The following IL1RAPL1 variants were observed in gnomAD, a reference collection of about 807,000 sequenced individuals.
The protein encoded by IL1RAPL1 is interleukin-1 receptor accessory protein-like 1.
A neutral mutation model predicts 48.4 loss-of-function variants in IL1RAPL1; 3 were observed. The ratio of observed to expected loss-of-function variants is 0.06; its 90% CI spans 0.03 to 0.16. The LOEUF (loss-of-function observed/expected upper bound fraction) is 0.16, where lower values mean the gene tolerates loss of function less well. IL1RAPL1 is among the 10% of genes least tolerant of loss of function. IL1RAPL1 has a pLI of 1.00. For missense variants in IL1RAPL1, 349 were observed against 530.6 expected (o/e 0.66, Z 3.36); for synonymous variants, 185 against 187.7 (o/e 0.99, Z 0.12).
chrX:29,701,032 G>A (rs1268734870), intron 6 of IL1RAPL1, among the ~76,000 whole-genome samples: 1 of 111,936 alleles, frequency 8.9e-6, no homozygotes, highest in Non-Finnish European at 1.9e-5. Flanking sequence ...AGGACCATCA[G>A]AGAAAGGAGA....
intron 1 of IL1RAPL1, among the ~76,000 whole-genome samples, chrX:28,692,856 T>TA (rs1935194321): frequency 8.9e-6 from 1 of 111,811 alleles, no homozygotes; most frequent in African/African-American, 3.3e-5. Flanking sequence ...ATTCTTTTTT[T>TA]ACCTGTATAC....
chrX:29,657,086 C>T (rs758314381), intron 5 of IL1RAPL1, among the ~76,000 whole-genome samples: 1 of 111,747 alleles, frequency 8.9e-6, no homozygotes, highest in East Asian at 2.8e-4. Context: ...ACAGCCCAGG[C>T]TGCAGTTTCC....
chrX:28,989,294 A>T (rs35640388), intron 2 of IL1RAPL1, among the ~76,000 whole-genome samples: 29 of 112,461 alleles, frequency 2.6e-4, no homozygotes, highest in Non-Finnish European at 1.7e-4. Flanking sequence ...GTGGAAGCCA[A>T]TGCTTCTCAC....
intron 2 of IL1RAPL1, among the ~76,000 whole-genome samples, chrX:29,280,847 G>T (rs768553054): frequency 8.9e-6 from 1 of 111,989 alleles, no homozygotes; most frequent in South Asian, 3.7e-4. Flanking sequence ...CCTCTCTGAG[G>T]AGGTGATATT....
At chrX:29,752,062 G>GTA (rs1928483649) in intron 6 of IL1RAPL1, among the ~76,000 whole-genome samples, 2 of 81,716 alleles carry the variant, frequency 2.4e-5, no homozygotes, top group East Asian at 3.9e-4. Flanking sequence ...ATATATATAT[G>GTA]TATATATATG....
At chrX:29,951,473 A>T (rs1933320297) in intron 9 of IL1RAPL1, among the ~76,000 whole-genome samples, 1 of 111,373 alleles carries the variant, frequency 9.0e-6, no homozygotes, top group Non-Finnish European at 1.9e-5. Flanking sequence ...AGGTCTGGGA[A>T]GGTAAATTTG....
intron 1 of IL1RAPL1, among the ~76,000 whole-genome samples, chrX:28,725,489 G>A (rs1488233166): frequency 9.0e-6 from 1 of 111,542 alleles, no homozygotes; most frequent in Non-Finnish European, 1.9e-5. Flanking sequence ...CTCAGAATAC[G>A]CATAGGTCAA....
chrX:29,105,430 T>G (rs16988443), intron 2 of IL1RAPL1, among the ~76,000 whole-genome samples: 25,903 of 110,921 alleles, frequency 0.23, 2,835 homozygotes, highest in African/African-American at 0.43. Flanking sequence ...AGGAAAAAAA[T>G]TGTCCCTAGA....
chrX:29,223,425 T>A (rs1270236072), intron 2 of IL1RAPL1, among the ~76,000 whole-genome samples: 2 of 112,087 alleles, frequency 1.8e-5, no homozygotes, highest in African/African-American at 3.2e-5. Context: ...TTATGGTTTT[T>A]GTAGGTTTCT....
chrX:29,722,629 T>G (rs1307943508), intron 6 of IL1RAPL1, among the ~76,000 whole-genome samples: 1 of 111,952 alleles, frequency 8.9e-6, no homozygotes, highest in African/African-American at 3.2e-5. Flanking sequence ...ATCTCTGTTC[T>G]TTTTTCAACA....
At chrX:29,686,699 A>C (rs1280273824) in intron 6 of IL1RAPL1, among the ~76,000 whole-genome samples, 3 of 108,919 alleles carry the variant, frequency 2.8e-5, no homozygotes, top group African/African-American at 6.7e-5. Context: ...CTGGGACTAC[A>C]GGCGCCCGCC....
At chrX:29,569,197 C>T (rs1922510418) in intron 5 of IL1RAPL1, among the ~76,000 whole-genome samples, 1 of 110,554 alleles carries the variant, frequency 9.0e-6, no homozygotes, top group African/African-American at 3.3e-5. Flanking sequence ...TTCTTCATTC[C>T]ACGCTTTGGA....
rs1196405178 is a variant in IL1RAPL1, at chrX:29,587,980, G to A, written c.704-80450G>A. 2.7e-5 allele frequency among the ~76,000 whole-genome samples: 3 copies of A among 112,152 alleles called. No individual in the cohort carries two copies. The East Asian group carries it at 8.4e-4, about 31-fold the overall frequency. ...TTTATCCACCCAGTGCTACTATTTGGCTCCAATTCTACCATAAGCACAGAT... is the reference window on the plus strand; with the variant it reads ...TTTATCCACCCAGTGCTACTATTTGACTCCAATTCTACCATAAGCACAGAT... On this transcript the variant is annotated intron_variant, in intron 5 of 10. Coordinates refer to ENST00000378993, the MANE Select transcript of IL1RAPL1 (RefSeq NM_014271.4).
intron 2 of IL1RAPL1, among the ~76,000 whole-genome samples, chrX:28,903,721 A>T (rs1373140054): frequency 9.0e-6 from 1 of 111,144 alleles, no homozygotes; most frequent in Non-Finnish European, 1.9e-5. Context: ...AAGACAATCA[A>T]CAACTAACCA....
intron 2 of IL1RAPL1, among the ~76,000 whole-genome samples, chrX:28,814,341 TTGTGTGTGTGTGTGTG>T (rs753090480): frequency 0.016 from 1,475 of 89,721 alleles, 22 homozygotes; most frequent in Admixed American, 0.063. Context: ...ATTTTCAGGT[TTGTGTGTGTGTGTGTG>T]TGTGTGTGTG....
At chrX:29,493,185 T>G (rs1291186709) in intron 5 of IL1RAPL1, among the ~76,000 whole-genome samples, 1 of 111,691 alleles carries the variant, frequency 9.0e-6, no homozygotes, top group Non-Finnish European at 1.9e-5. Context: ...CACTTGGGAA[T>G]TCTCCCTCTT....
chrX:29,605,948 T>C (rs1229055824), intron 5 of IL1RAPL1, among the ~76,000 whole-genome samples: 1 of 112,016 alleles, frequency 8.9e-6, no homozygotes, highest in African/African-American at 3.2e-5. Context: ...AGACAAATGA[T>C]ATATAACAGA....
intron 4 of IL1RAPL1, among the ~76,000 whole-genome samples, chrX:29,396,870 A>G (rs765442033): frequency 8.9e-6 from 1 of 112,088 alleles, no homozygotes; most frequent in South Asian, 3.7e-4. Context: ...TGTTCTGTTT[A>G]ATGGACATAA....
At chrX:29,365,255 C>T in intron 3 of IL1RAPL1, among the ~76,000 whole-genome samples, 1 of 111,724 alleles carries the variant, frequency 9.0e-6, no homozygotes, top group Non-Finnish European at 1.9e-5. Context: ...ACGTAGATAG[C>T]ACCAATCGTT....
Sources: gnomAD v4.1 joint callset for allele counts (sites outside exome capture counted in the v4.1 genomes callset) on GRCh38, gnomAD v4.1.1 for gene constraint, MANE v1.5 for transcripts, NCBI Gene and HGNC (gene_info 2026-07-23, HGNC 2026-07-21) for gene names.